IL31RA: variants seen among roughly 807,000 people sequenced by gnomAD.
The protein encoded by IL31RA is interleukin-31 receptor subunit alpha.
A neutral mutation model predicts 83.7 loss-of-function variants in IL31RA; 66 were observed. The observed-to-expected ratio is 0.79, with a 90% CI of 0.65 to 0.97. The LOEUF (loss-of-function observed/expected upper bound fraction) is 0.97, where lower values mean the gene tolerates loss of function less well. IL31RA is among the 50% of genes least tolerant of loss of function. The probability of loss-of-function intolerance (pLI) is 0.00; values close to 1 mark genes in which losing one functional copy is unlikely to be tolerated. For synonymous variants in IL31RA, 325 were observed against 329.0 expected (o/e 0.99, Z 0.13); for missense variants, 798 against 919.4 (o/e 0.87, Z 1.71).
chr5:55,883,977 C>T (rs1002304147), intron 5 of IL31RA, among the ~76,000 whole-genome samples: 13 of 152,142 alleles, frequency 8.5e-5, no homozygotes, highest in Non-Finnish European at 4.4e-5. Flanking sequence ...TGTAGTATCT[C>T]ATAGTATGAA....
chr5:55,867,319 G>A (rs942824644), intron 2 of IL31RA, among the ~76,000 whole-genome samples: 31 of 145,054 alleles, frequency 2.1e-4, no homozygotes, highest in Admixed American at 6.2e-4. Flanking sequence ...GTGTGTGTGC[G>A]TGTGTGTGTG....
chr5:55,889,820 G>A lies in IL31RA; in HGVS notation c.607-150G>A, dbSNP rs1747868101. The stretch of plus-strand genomic sequence containing the variant: ...GTACCAATTGTTCCCAGGCACATAT[G>A]GAAGTCTGTTAATAAAAATGATATA... On this transcript the variant is annotated intron_variant, in intron 5 of 14. Coordinates refer to ENST00000652347, the MANE Select transcript of IL31RA (RefSeq NM_139017.7). 3 of 728,922 alleles carry A rather than the reference G, an allele frequency of 4.1e-6. No individual in the cohort carries two copies. In the South Asian group the frequency reaches 4.6e-5, roughly 11 times the overall value. 45.2% of individuals were successfully genotyped at this position (728,922 alleles called of 1,614,324 possible).
rs1257162232 is a variant in IL31RA, at chr5:55,918,879, G to A, written c.*1759G>A. The stretch of plus-strand genomic sequence containing the variant: ...GTACACCAAGGAATGAGGGAGGCCC[G>A]AGGCAGGGCACTGGGGAATAAGACT... On this transcript the variant is annotated 3_prime_UTR_variant, in exon 15 of 15. Transcript: ENST00000652347. Among the ~76,000 whole-genome samples, 3 of 152,064 alleles carry A rather than the reference G, an allele frequency of 2.0e-5. No homozygotes were observed. The highest frequency in any genetic ancestry group is 1.9e-4 in the East Asian group (1 of 5,178).
Position 55,916,843 on chromosome 5 carries a change from C to G in IL31RA, c.2018C>G (p.Thr673Ser). The stretch of plus-strand genomic sequence containing the variant: ...GGAGGGGAAAAGAATGGGTATGTGA[C>G]CTGCCCCTTCAGGCCTGATTGTCCC... ...NLGGEKNGYVTCPFRPDCPLG... is the reference protein window; with the variant it reads ...NLGGEKNGYVSCPFRPDCPLG... The change falls in exon 15 of 15, where the codon ACC (threonine) becomes AGC (serine). Residue 673 changes from threonine (T) to serine (S), a missense_variant. Coordinates refer to ENST00000652347, the MANE Select transcript of IL31RA (RefSeq NM_139017.7). 3 of 1,614,168 alleles carry G rather than the reference C, an allele frequency of 1.9e-6. No homozygotes were observed. Among genetic ancestry groups the G allele is most frequent in the Non-Finnish European group, 2.5e-6 (3 of 1,180,030 alleles).
Position 55,898,588 on chromosome 5 carries a change from CAT to C in IL31RA, c.853-1325_853-1324del, listed in dbSNP as rs556182353. Among the ~76,000 whole-genome samples, 133 of 148,802 alleles carry C rather than the reference CAT, an allele frequency of 8.9e-4. 2 individuals are homozygous for C. Among genetic ancestry groups the C allele is most frequent in the African/African-American group, 3.1e-3 (124 of 40,470 alleles). Reference sequence around the variant, plus strand: ...GTTATTTTAAAAAGATTTTAAATAACATATTAATATGTTATTTTAAAAAGATT... The same window carrying C: ...GTTATTTTAAAAAGATTTTAAATAACATTAATATGTTATTTTAAAAAGATT... On this transcript the variant is annotated intron_variant, in intron 7 of 14. Transcript: ENST00000652347.
At chr5:55,865,339 C>T (rs1023479145) in intron 2 of IL31RA, among the ~76,000 whole-genome samples, 6 of 152,132 alleles carry the variant, frequency 3.9e-5, no homozygotes, top group East Asian at 1.9e-4. Flanking sequence ...GTGCCTGGCT[C>T]ATGTGCAGGA....
chr5:55,860,489 T>C (rs1401391604), intron 2 of IL31RA, among the ~76,000 whole-genome samples: 1 of 152,158 alleles, frequency 6.6e-6, no homozygotes, highest in Non-Finnish European at 1.5e-5. Context: ...AGTAAAACCA[T>C]AGATAAGAGG....
chr5:55,890,159 G>A (rs76126030), intron 6 of IL31RA, 24 bp downstream of exon 6: 38,396 of 1,610,912 alleles, frequency 0.024, 899 homozygotes, highest in African/African-American at 0.12. Context: ...TGCGATTCCC[G>A]TCCTGTCTGC....
At chr5:55,867,263 G>C (rs1419513504) in intron 2 of IL31RA, among the ~76,000 whole-genome samples, 1 of 9,008 alleles carries the variant, frequency 1.1e-4, no homozygotes, top group Non-Finnish European at 2.9e-4. Context: ...GCGTGTGTTT[G>C]TGTGCGTGTG....
chr5:55,920,295 A>T lies in IL31RA; in HGVS notation c.*3175A>T, dbSNP rs977559883. On this transcript the variant is annotated 3_prime_UTR_variant, in exon 15 of 15. Transcript: ENST00000652347. ...GTCTGATTCTGTCCCCATTTCCAGC[A>T]CGCCCCTAGTTACTCCTGCTGCAGC... 3.3e-5 allele frequency among the ~76,000 whole-genome samples: 5 copies of T among 152,234 alleles called. No individual in the cohort carries two copies. Among genetic ancestry groups the T allele is most frequent in the African/African-American group, 1.2e-4 (5 of 41,472 alleles).
chr5:55,890,254 C>T (rs745825314), intron 6 of IL31RA, 119 bp downstream of exon 6: 8 of 950,326 alleles, frequency 8.4e-6, no homozygotes, highest in Non-Finnish European at 1.3e-5. Flanking sequence ...ACCCCAGGGG[C>T]CCCCTGTACC....
Position 55,883,135 on chromosome 5 carries a change from G to C in IL31RA, c.546G>C (p.Ala182=), listed in dbSNP as rs150911009. The change falls in exon 5 of 15, where the codon GCG becomes GCC. Residue 182 remains alanine (A), a synonymous_variant. Coordinates refer to ENST00000652347, the MANE Select transcript of IL31RA (RefSeq NM_139017.7). ...TTGAATGGATAAAGCCTGAGTTGGC[G>C]CCTGTTTCATCTGATTTAAAATACA... is the stretch of plus-strand genomic sequence containing the variant. ...IQIEWIKPEL[A]PVSSDLKYTL... 2 of 1,613,908 alleles carry C rather than the reference G, an allele frequency of 1.2e-6. No individual in the cohort carries two copies. Among genetic ancestry groups the C allele is most frequent in the Non-Finnish European group, 8.5e-7 (1 of 1,179,870 alleles).
rs1747363422 is a variant in IL31RA at position 55,883,214 on chromosome 5, A to G, written c.606+19A>G. 2 of 1,594,142 alleles carry G rather than the reference A, an allele frequency of 1.3e-6. No homozygotes were observed. Among genetic ancestry groups the G allele is most frequent in the South Asian group, 1.1e-5 (1 of 90,662 alleles). ...CAGCTGGGTAAGTTATGCCATTATA[A>G]TAATATTCCAATTAGAGGCCCAGAG... On this transcript the variant is annotated intron_variant, in intron 5 of 14. Transcript: ENST00000652347.
chr5:55,917,094 C>G lies in IL31RA; in HGVS notation c.2269C>G (p.Pro757Ala), dbSNP rs752700330. The G allele has an allele frequency of 1.1e-5, 17 of 1,614,054 alleles. No homozygotes were observed. Among genetic ancestry groups the G allele is most frequent in the Non-Finnish European group, 1.4e-5 (16 of 1,180,048 alleles). Residue 757 changes from proline (P) to alanine (A), a missense_variant, in exon 15 of 15, where the codon CCA (proline) becomes GCA (alanine). Pro to Ala is a conservative substitution (Grantham distance 27). Coordinates refer to ENST00000652347, the MANE Select transcript of IL31RA (RefSeq NM_139017.7). ...GGAATTTCTTGTGTCTGAAAAACTTCCAGAGCACACCAAGGGAGAAGTCTA... is the reference window on the plus strand; with the variant it reads ...GGAATTTCTTGTGTCTGAAAAACTTGCAGAGCACACCAAGGGAGAAGTCTA... ...AREFLVSEKL[P>A]EHTKGEV
chr5:55,883,277 A>C, intron 5 of IL31RA, 82 bp downstream of exon 5: 1 of 1,210,106 alleles, frequency 8.3e-7, no homozygotes, highest in Non-Finnish European at 1.2e-6. Flanking sequence ...ACCTGGAATC[A>C]TTATTTCACT....
chr5:55,901,338 C>G (rs1192357121), intron 8 of IL31RA, among the ~76,000 whole-genome samples: 3 of 151,966 alleles, frequency 2.0e-5, no homozygotes, highest in Non-Finnish European at 2.9e-5. Context: ...CAGTGTGGCC[C>G]CAGGATGGGA....
chr5:55,896,263 T>A (rs1201737770), intron 6 of IL31RA, 87 bp from the exon 7 acceptor site: 36 of 897,836 alleles, frequency 4.0e-5, no homozygotes, highest in Non-Finnish European at 6.6e-5. Flanking sequence ...CTCAAGCAAA[T>A]CCTTCCCAAC....
intron 7 of IL31RA, among the ~76,000 whole-genome samples, chr5:55,897,752 G>A (rs1322381852): frequency 2.0e-5 from 3 of 152,120 alleles, no homozygotes; most frequent in African/African-American, 7.2e-5. Context: ...AACAGAAAAG[G>A]AAAAGGGCAG....
chr5:55,870,535 T>G (rs775950235), intron 3 of IL31RA, among the ~76,000 whole-genome samples: 11 of 152,136 alleles, frequency 7.2e-5, no homozygotes, highest in Non-Finnish European at 1.5e-4. Context: ...TTTTCTGTCT[T>G]ATAGAGACAT....
Sources: allele counts gnomAD v4.1 joint callset (sites outside exome capture counted in the v4.1 genomes callset), GRCh38; gene constraint gnomAD v4.1.1; transcripts MANE v1.5; gene names NCBI Gene and HGNC (gene_info 2026-07-23, HGNC 2026-07-21).